Variants in CDO1 observed in about 807,000 individuals in gnomAD.
CDO1 encodes the protein cysteine dioxygenase type 1.
Under a neutral mutation model 24.5 loss-of-function variants are expected in CDO1, and 19 were observed. The observed-to-expected ratio is 0.77, with a 90% CI of 0.54 to 1.14. The LOEUF is 1.14. CDO1 is among the 50% of genes most tolerant of loss of function. The pLI is 0.00. For missense variants in CDO1, 244 were observed against 244.8 expected, an observed-to-expected ratio of 1.00 and a Z score of 0.02; for synonymous variants, 91 against 87.0, an observed-to-expected ratio of 1.05 and a Z score of -0.26.
intron 4 of CDO1, among the ~76,000 whole-genome samples, chr5:115,805,832 G>C (rs1262312686): frequency 6.6e-6 from 1 of 152,114 alleles, no homozygotes; most frequent in African/African-American, 2.4e-5. Context: ...TATTAGTGTT[G>C]GTTGCCTTTT....
chr5:115,813,653 C>A (rs1760298482), intron 1 of CDO1, among the ~76,000 whole-genome samples: 2 of 150,346 alleles, frequency 1.3e-5, no homozygotes, highest in African/African-American at 2.4e-5. Flanking sequence ...CTGCCTGTAG[C>A]TAAATCAAGA....
chr5:115,805,439 G>T lies in CDO1; in HGVS notation c.597C>A (p.Asn199Lys). 2 of 1,613,884 alleles carry T rather than the reference G, an allele frequency of 1.2e-6. No homozygotes were observed. Among genetic ancestry groups the T allele is most frequent in the South Asian group, 1.1e-5 (1 of 91,052 alleles). Reference sequence around the variant, plus strand: ...TCAGAGGGTTTGGTGCCCCTTAGTTGTTCTCCAGCGAGCCCGAAGTTGCCT... The same window carrying T: ...TCAGAGGGTTTGGTGCCCCTTAGTTTTTCTCCAGCGAGCCCGAAGTTGCCT... The part of the protein sequence containing the change: ...TPNATSGSLE[N>K]N Residue 199 changes from asparagine to lysine, a missense_variant, in exon 5 of 5, where the codon AAC becomes AAA. Asn to Lys is a moderately conservative substitution (Grantham distance 94). Coordinates refer to ENST00000250535, the MANE Select transcript of CDO1 (RefSeq NM_001801.3).
chr5:115,815,133 A>G (rs1199171042), intron 1 of CDO1, among the ~76,000 whole-genome samples: 1 of 152,192 alleles, frequency 6.6e-6, no homozygotes, highest in Non-Finnish European at 1.5e-5. Flanking sequence ...CATGTTGAAG[A>G]GTGACTAAAA....
chr5:115,816,449 A>G lies in CDO1; in HGVS notation c.-52T>C. The G allele has an allele frequency of 6.3e-7, 1 of 1,595,524 alleles. No homozygotes were observed. On this transcript the variant is annotated 5_prime_UTR_variant, in exon 1 of 5. Coordinates refer to ENST00000250535, the MANE Select transcript of CDO1 (RefSeq NM_001801.3). ...TCTCACTGCTGGGCTGCGGTGGAGGAGCTGAGCGAGCCAAGGAGCTGGGGG... is the reference window on the plus strand; with the variant it reads ...TCTCACTGCTGGGCTGCGGTGGAGGGGCTGAGCGAGCCAAGGAGCTGGGGG...
intron 1 of CDO1, among the ~76,000 whole-genome samples, chr5:115,815,321 GTAGAGAGA>G (rs1330598089): frequency 1.3e-5 from 2 of 152,176 alleles, no homozygotes; most frequent in East Asian, 3.9e-4. Context: ...CGGAGGATTG[GTAGAGAGA>G]TTCGACTTAA....
intron 2 of CDO1, among the ~76,000 whole-genome samples, chr5:115,812,821 G>A (rs766598173): frequency 6.6e-6 from 1 of 152,054 alleles, no homozygotes; most frequent in Non-Finnish European, 1.5e-5. Flanking sequence ...GCCGAGGTGA[G>A]TGGATCACCT....
intron 3 of CDO1, among the ~76,000 whole-genome samples, chr5:115,810,745 AC>A (rs1365868136): frequency 3.3e-5 from 5 of 152,176 alleles, no homozygotes; most frequent in African/African-American, 4.8e-5. Context: ...CCTCGAGGAT[AC>A]TTTTTAGGTA....
Position 115,816,321 on chromosome 5 carries a change from T to A in CDO1, c.77A>T (p.Asp26Val). 1 of 1,614,054 alleles carries A rather than the reference T, an allele frequency of 6.2e-7. No individual in the cohort carries two copies. The highest frequency in any genetic ancestry group is 8.5e-7 in the Non-Finnish European group (1 of 1,180,020). The stretch of plus-strand genomic sequence containing the variant: ...CTGCACCTCCTCTACATTGACCTCA[T>A]CGCCGGCAAAGAGCTGGTGCAGGAT... ...IRILHQLFAG[D>V]EVNVEEVQAI... Residue 26 changes from aspartate to valine, a missense_variant, in exon 1 of 5, where the codon GAT (aspartate) becomes GTT (valine). Asp to Val is a radical substitution (Grantham distance 152). Coordinates refer to ENST00000250535, the MANE Select transcript of CDO1 (RefSeq NM_001801.3).
In CDO1 at chr5:115,804,734, TGTGTTCAAATC is replaced by T. The variant is rs1204187044; in HGVS notation, c.*688_*698del. On this transcript the variant is annotated 3_prime_UTR_variant, in exon 5 of 5. Transcript: ENST00000250535. Reference sequence around the variant, plus strand: ...GTTAATCAGAAAGACACCTTCAAATTGTGTTCAAATCCACTTTATTTAAATTATTTGGTAAT... The same window carrying T: ...GTTAATCAGAAAGACACCTTCAAATTCACTTTATTTAAATTATTTGGTAAT... The T allele has an allele frequency of 6.6e-6, 1 of 152,078 alleles. No homozygotes were observed. The highest frequency in any genetic ancestry group is 1.5e-5 in the Non-Finnish European group (1 of 68,004). The allele number at this position is 152,078 out of a possible 1,614,324, so 9.4% of individuals were successfully genotyped here.
chr5:115,809,200 C>T (rs772331511), intron 3 of CDO1, among the ~76,000 whole-genome samples: 9 of 152,124 alleles, frequency 5.9e-5, no homozygotes, highest in Non-Finnish European at 8.8e-5. Context: ...AGACACCCAT[C>T]CTTTAGAGAA....
rs1191151897 is a variant in CDO1, at chr5:115,806,437, T to A, written c.485A>T (p.Asp162Val). The change falls in exon 4 of 5, where the codon GAT (aspartate) becomes GTT (valine). Residue 162 changes from aspartate to valine, a missense_variant. Coordinates refer to ENST00000250535, the MANE Select transcript of CDO1 (RefSeq NM_001801.3). Reference sequence around the variant, plus strand: ...TCTTTGATCAAAGGCATGGCATGTATCAAAAGGTGGACTGTACAAGTGAAG... The same window carrying A: ...TCTTTGATCAAAGGCATGGCATGTAACAAAAGGTGGACTGTACAAGTGAAG... ...VSLHLYSPPF[D>V]TCHAFDQRTG... 6.2e-7 allele frequency: 1 copy of A among 1,612,574 alleles called. No individual in the cohort carries two copies. Among genetic ancestry groups the A allele is most frequent in the African/African-American group, 1.3e-5 (1 of 74,878 alleles).
At position 115,811,249 on chromosome 5, in the gene CDO1, T is replaced by A. The variant is rs1303630549; in HGVS notation, c.315A>T (p.Thr105=). 1 of 1,613,270 alleles carries A rather than the reference T, an allele frequency of 6.2e-7. No individual in the cohort carries two copies. Among genetic ancestry groups the A allele is most frequent in the Non-Finnish European group, 8.5e-7 (1 of 1,179,404 alleles). Residue 105 remains threonine (T), a synonymous_variant, in exon 3 of 5, where the codon ACA becomes ACT. Coordinates refer to ENST00000250535, the MANE Select transcript of CDO1 (RefSeq NM_001801.3). ...ATTTTTTGTCAGGCCAGGCAAATAA[T>A]GTCTCCTTTAGATTTCCCTGTAGCA... The part of the protein sequence containing the change: ...LKMLQGNLKE[T]LFAWPDKKSN...
In CDO1 at chr5:115,808,236, C is replaced by T. The variant is rs139473978; in HGVS notation, c.404-1718G>A. ...TCAAGCAATTCTTCCATCTTAGCCT[C>T]CCAAAGTGCTGGGATTACAGGTGTG... On this transcript the variant is annotated intron_variant, in intron 3 of 4. Coordinates refer to ENST00000250535, the MANE Select transcript of CDO1 (RefSeq NM_001801.3). Among the ~76,000 whole-genome samples the T allele has an allele frequency of 9.0e-3, 1,374 of 152,212 alleles. 19 individuals are homozygous for T. Among genetic ancestry groups the T allele is most frequent in the African/African-American group, 0.031 (1,302 of 41,510 alleles).
At position 115,805,406 on chromosome 5, in the gene CDO1, G is replaced by A; in HGVS notation, c.*27C>T. On this transcript the variant is annotated 3_prime_UTR_variant, in exon 5 of 5. Coordinates refer to ENST00000250535, the MANE Select transcript of CDO1 (RefSeq NM_001801.3). ...AGGCAAACATACAGCGAACCTTAAA[G>A]TAAAACCTCAGAGGGTTTGGTGCCC... The A allele has an allele frequency of 1.2e-6, 2 of 1,610,146 alleles. No individual in the cohort carries two copies. Among genetic ancestry groups the A allele is most frequent in the Non-Finnish European group, 1.7e-6 (2 of 1,177,640 alleles).
chr5:115,812,915 T>C (rs1760251535), intron 2 of CDO1, among the ~76,000 whole-genome samples: 1 of 151,676 alleles, frequency 6.6e-6, no homozygotes, highest in Non-Finnish European at 1.5e-5. Context: ...GGCATGGTGG[T>C]GCATACCTGT....
chr5:115,807,900 C>A (rs1223902428), intron 3 of CDO1, among the ~76,000 whole-genome samples: 1 of 151,524 alleles, frequency 6.6e-6, no homozygotes. Flanking sequence ...AGAGAGAAGG[C>A]ACCAAAAGAG....
intron 1 of CDO1, among the ~76,000 whole-genome samples, chr5:115,815,627 G>A (rs1760396308): frequency 6.6e-6 from 1 of 152,220 alleles, no homozygotes; most frequent in African/African-American, 2.4e-5. Context: ...TTTTACATGA[G>A]TAAAAATGCT....
At chr5:115,814,980 C>A (rs1373782976) in intron 1 of CDO1, among the ~76,000 whole-genome samples, 1 of 152,126 alleles carries the variant, frequency 6.6e-6, no homozygotes, top group Non-Finnish European at 1.5e-5. Flanking sequence ...CTACCATGAA[C>A]TAAGCTGATA....
Position 115,816,219 on chromosome 5 carries a change from C to A in CDO1, c.170+9G>T. Reference sequence around the variant, plus strand: ...GCGCCGCCTGGCATTGAAGCTGCAGCGCGCTCACCTGTACTGGTCGAACTT... The same window carrying A: ...GCGCCGCCTGGCATTGAAGCTGCAGAGCGCTCACCTGTACTGGTCGAACTT... On this transcript the variant is annotated intron_variant, in intron 1 of 4. Transcript: ENST00000250535. 1 of 1,609,848 alleles carries A rather than the reference C, an allele frequency of 6.2e-7. No homozygotes were observed. The highest frequency in any genetic ancestry group is 8.5e-7 in the Non-Finnish European group (1 of 1,177,416).
Sources: allele counts gnomAD v4.1 joint callset (sites outside exome capture counted in the v4.1 genomes callset), GRCh38; gene constraint gnomAD v4.1.1; transcripts MANE v1.5; gene names NCBI Gene and HGNC (gene_info 2026-07-23, HGNC 2026-07-21).